The following WNT7A variants were observed in gnomAD, a reference collection of about 807,000 sequenced individuals.
The protein encoded by WNT7A is Wnt family member 7A.
WNT7A carries 16 observed loss-of-function variants against 28.2 expected under a neutral mutation model. That is an observed-to-expected ratio of 0.57 (90% CI 0.38 to 0.86). WNT7A has a LOEUF of 0.86. WNT7A is among the 40% of genes least tolerant of loss of function. The pLI is 0.00. For synonymous variants in WNT7A, 190 were observed against 195.9 expected, an observed-to-expected ratio of 0.97 and a Z score of 0.25; for missense variants, 411 against 489.7, an observed-to-expected ratio of 0.84 and a Z score of 1.52.
At chr3:13,859,418 C>T (rs992723340) in intron 2 of WNT7A, among the ~76,000 whole-genome samples, 3 of 152,192 alleles carry the variant, frequency 2.0e-5, no homozygotes, top group Admixed American at 6.5e-5. Flanking sequence ...AAGAGGTAGA[C>T]ATCACCTGGC....
chr3:13,835,263 G>A (rs981818247), intron 3 of WNT7A, among the ~76,000 whole-genome samples: 9 of 152,214 alleles, frequency 5.9e-5, no homozygotes, highest in Admixed American at 5.2e-4. Context: ...AGGTGTCCAC[G>A]CAGAGGACAG....
intron 2 of WNT7A, among the ~76,000 whole-genome samples, chr3:13,859,307 T>C (rs543148324): frequency 6.6e-6 from 1 of 152,094 alleles, no homozygotes; most frequent in Non-Finnish European, 1.5e-5. Flanking sequence ...CAGACCTGAG[T>C]CCTAATTTCA....
Position 13,829,026 on chromosome 3 carries a change from C to T in WNT7A, c.571-9603G>A, listed in dbSNP as rs75901276. ...CTGGCCTACCTCTGACCACGGAGGC[C>T]GAAAGCATAACACATCGCCTGAAAA... On this transcript the variant is annotated intron_variant, in intron 3 of 3. Transcript: ENST00000285018. 7.9e-5 allele frequency among the ~76,000 whole-genome samples: 12 copies of T among 152,188 alleles called. No individual in the cohort carries two copies. The East Asian group carries it at 1.4e-3, about 17-fold the overall frequency.
chr3:13,829,074 CT>C (rs1172494617), intron 3 of WNT7A, among the ~76,000 whole-genome samples: 1 of 152,192 alleles, frequency 6.6e-6, no homozygotes, highest in East Asian at 1.9e-4. Context: ...GGAAAAGCAA[CT>C]TCTCCCTTTC....
chr3:13,877,107 C>G (rs1438576068), intron 1 of WNT7A: 1 of 148,984 alleles, frequency 6.7e-6, no homozygotes, highest in Non-Finnish European at 1.5e-5. Flanking sequence ...TATTACATGG[C>G]AGGTGCCCCC....
intron 3 of WNT7A, among the ~76,000 whole-genome samples, chr3:13,832,614 T>C (rs1694299679): frequency 1.3e-5 from 2 of 152,088 alleles, no homozygotes; most frequent in African/African-American, 2.4e-5. Flanking sequence ...TGCAGCTGTA[T>C]ACCTCTGGGC....
In WNT7A at chr3:13,879,810, G is replaced by T; in HGVS notation, c.7C>A (p.Arg3=). The change falls in exon 1 of 4, where the codon CGG becomes AGG. Residue 3 remains arginine (R), a synonymous_variant. Transcript: ENST00000285018. ...TGGCCCAGGCAGCGCCGCGCTTTCC[G>T]GTTCATAGTCCCGATTGGCCGCCGG... MN[R]KARRCLGHLF... 6.2e-7 allele frequency: 1 copy of T among 1,611,842 alleles called. No homozygotes were observed. Among genetic ancestry groups the T allele is most frequent in the Non-Finnish European group, 8.5e-7 (1 of 1,178,988 alleles).
rs572465960 is a variant in WNT7A, at chr3:13,837,680, C to A, written c.570+16852G>T. Among the ~76,000 whole-genome samples, 382 of 152,326 alleles carry A rather than the reference C, an allele frequency of 2.5e-3. 3 individuals carry two copies. The highest frequency in any genetic ancestry group is 4.3e-3 in the Non-Finnish European group (295 of 68,032). ...AAGGCTGAAGCATCCCGGAAAGTCT[C>A]TGGGGCAGGGACACAGGCGACGATG... On this transcript the variant is annotated intron_variant, in intron 3 of 3. Transcript: ENST00000285018.
rs60338381 is a variant in WNT7A at position 13,869,649 on chromosome 3, T to TAGAAAGAA, written c.298+5290_298+5297dup. Among the ~76,000 whole-genome samples the TAGAAAGAA allele has an allele frequency of 8.5e-3, 1,214 of 143,522 alleles. 13 individuals are homozygous for TAGAAAGAA. Among genetic ancestry groups the TAGAAAGAA allele is most frequent in the African/African-American group, 0.03 (1,163 of 38,146 alleles). The allele number at this position is 143,522 out of a possible 152,430, so 94.2% of individuals were successfully genotyped here. A position where few individuals can be genotyped will look rare whatever the true frequency, so the allele number is the denominator to read the frequency against. On this transcript the variant is annotated intron_variant, in intron 2 of 3. Coordinates refer to ENST00000285018, the MANE Select transcript of WNT7A (RefSeq NM_004625.4). ...GAAAGGAAAGAAAGACACAGAAAAG[T>TAGAAAGAA]AGAAAGAAAGAGGGAAGGAGGGAGG... is the stretch of plus-strand genomic sequence containing the variant.
chr3:13,875,963 G>A (rs1163837763), intron 1 of WNT7A: 1 of 152,344 alleles, frequency 6.6e-6, no homozygotes, highest in Non-Finnish European at 1.5e-5. Context: ...GAACTAGGGA[G>A]GGTGACAACA....
chr3:13,841,126 A>T (rs549452953), intron 3 of WNT7A, among the ~76,000 whole-genome samples: 4 of 152,354 alleles, frequency 2.6e-5, no homozygotes, highest in Admixed American at 2.6e-4. Context: ...GGAATACACC[A>T]GGGGCTGGCC....
intron 3 of WNT7A, among the ~76,000 whole-genome samples, chr3:13,836,642 T>G (rs1694375185): frequency 6.6e-6 from 1 of 152,124 alleles, no homozygotes; most frequent in African/African-American, 2.4e-5. Flanking sequence ...TTGGACAAAG[T>G]CTCTGTCTTC....
intron 2 of WNT7A, among the ~76,000 whole-genome samples, chr3:13,869,799 CAGT>C (rs1559307792): frequency 2.0e-5 from 3 of 152,140 alleles, no homozygotes; most frequent in Non-Finnish European, 4.4e-5. Context: ...CCCAAGGTAG[CAGT>C]TGGTCAAACT....
chr3:13,837,568 G>A (rs1322754503), intron 3 of WNT7A, among the ~76,000 whole-genome samples: 2 of 150,350 alleles, frequency 1.3e-5, no homozygotes, highest in Non-Finnish European at 3.0e-5. Context: ...ATGAATGAAT[G>A]AATTCACCTT....
intron 2 of WNT7A, among the ~76,000 whole-genome samples, chr3:13,856,978 A>AAGAAGG (rs1694755257): frequency 4.8e-4 from 48 of 100,714 alleles, no homozygotes; most frequent in African/African-American, 2.9e-3. Flanking sequence ...GGAGAAGAAG[A>AAGAAGG]AGAAGAAGGA....
At chr3:13,851,866 T>A (rs1311456284) in intron 3 of WNT7A, among the ~76,000 whole-genome samples, 1 of 152,150 alleles carries the variant, frequency 6.6e-6, no homozygotes, top group Non-Finnish European at 1.5e-5. Context: ...CTGATTTCAA[T>A]CCAAAGTACA....
chr3:13,854,895 A>G, intron 2 of WNT7A, 92 bp from the exon 3 acceptor site: 1 of 1,541,610 alleles, frequency 6.5e-7, no homozygotes. Context: ...GGCTGAGCTC[A>G]ATGCAATGGC....
At chr3:13,862,737 C>A (rs892985978) in intron 2 of WNT7A, among the ~76,000 whole-genome samples, 9 of 152,200 alleles carry the variant, frequency 5.9e-5, no homozygotes, top group Non-Finnish European at 1.2e-4. Context: ...TGTGTGCAAG[C>A]CCCAGCCTCT....
chr3:13,859,361 C>T (rs1183065519), intron 2 of WNT7A, among the ~76,000 whole-genome samples: 1 of 152,232 alleles, frequency 6.6e-6, no homozygotes, highest in Non-Finnish European at 1.5e-5. Flanking sequence ...CACTTAACCT[C>T]TCTGAGCCTC....
Sources: gnomAD v4.1 joint callset for allele counts (sites outside exome capture counted in the v4.1 genomes callset) on GRCh38, gnomAD v4.1.1 for gene constraint, MANE v1.5 for transcripts, NCBI Gene and HGNC (gene_info 2026-07-23, HGNC 2026-07-21) for gene names.